The following SORCS3 variants were observed in gnomAD, a reference collection of about 807,000 sequenced individuals.
SORCS3 encodes sortilin related VPS10 domain containing receptor 3.
A neutral mutation model predicts 146.3 loss-of-function variants in SORCS3; 57 were observed. The observed-to-expected ratio is 0.39, with a 90% CI of 0.31 to 0.49. The LOEUF (loss-of-function observed/expected upper bound fraction) is 0.49, where lower values mean the gene tolerates loss of function less well. Ranked by LOEUF, SORCS3 falls within the 20% of genes least tolerant of loss-of-function variation. SORCS3 has a pLI of 0.92. For missense variants in SORCS3, 1,341 were observed against 1,575.5 expected (o/e 0.85, Z 2.52); for synonymous variants, 653 against 618.5 (o/e 1.06, Z -0.83).
chr10:104,993,093 C>A (rs1297786355), intron 4 of SORCS3, among the ~76,000 whole-genome samples: 2 of 152,124 alleles, frequency 1.3e-5, no homozygotes, highest in Admixed American at 1.3e-4. Flanking sequence ...TAACACTGAC[C>A]ATGACAAGAA....
At chr10:104,696,728 T>A (rs1223909046) in intron 1 of SORCS3, among the ~76,000 whole-genome samples, 1 of 78,152 alleles carries the variant, frequency 1.3e-5, no homozygotes, top group Non-Finnish European at 2.4e-5. Flanking sequence ...ATAACATATA[T>A]AATATATAAT....
intron 7 of SORCS3, among the ~76,000 whole-genome samples, chr10:105,107,511 T>C (rs2055830931): frequency 6.6e-6 from 1 of 152,194 alleles, no homozygotes; most frequent in Non-Finnish European, 1.5e-5. Flanking sequence ...ACACAGATTT[T>C]TTTAAAAATT....
intron 6 of SORCS3, among the ~76,000 whole-genome samples, chr10:105,103,029 C>G (rs973618452): frequency 4.6e-5 from 7 of 151,900 alleles, no homozygotes; most frequent in African/African-American, 1.5e-4. Flanking sequence ...ACCTCGTGAT[C>G]CACCCACCTC....
At chr10:105,226,084 C>G (rs190024670) in intron 20 of SORCS3, among the ~76,000 whole-genome samples, 3 of 151,572 alleles carry the variant, frequency 2.0e-5, no homozygotes, top group Non-Finnish European at 4.4e-5. Flanking sequence ...TTAGGACTTC[C>G]GGTCCTATAT....
At chr10:105,253,180 G>C (rs931816601) in intron 23 of SORCS3, among the ~76,000 whole-genome samples, 3 of 151,924 alleles carry the variant, frequency 2.0e-5, no homozygotes, top group African/African-American at 7.3e-5. Flanking sequence ...ACTCTTCCTG[G>C]GATTCAGGGG....
At chr10:105,054,569 T>G (rs2055433997) in intron 5 of SORCS3, among the ~76,000 whole-genome samples, 1 of 150,310 alleles carries the variant, frequency 6.7e-6, no homozygotes, top group Non-Finnish European at 1.5e-5. Context: ...TTATAGGATT[T>G]CTTTTTTTTT....
intron 1 of SORCS3, among the ~76,000 whole-genome samples, chr10:104,758,132 G>C (rs1382546504): frequency 1.3e-5 from 2 of 152,178 alleles, no homozygotes; most frequent in Admixed American, 6.5e-5. Flanking sequence ...TGGATGAGGA[G>C]AAAGGGTCTG....
rs964774747 is a variant in SORCS3 at position 105,127,755 on chromosome 10, G to A, written c.1213-11642G>A. On this transcript the variant is annotated intron_variant, in intron 7 of 26. Transcript: ENST00000369701. The stretch of plus-strand genomic sequence containing the variant: ...AACAGCTGGTAAGTGCAACAAGCAA[G>A]CCACAAAAAAAGAGCCCTGGGAATC... 7.2e-5 allele frequency among the ~76,000 whole-genome samples: 11 copies of A among 152,104 alleles called. No homozygotes were observed. The East Asian group carries it at 1.5e-3, about 21-fold the overall frequency.
chr10:104,665,122 G>C (rs188156135), intron 1 of SORCS3: 2 of 152,318 alleles, frequency 1.3e-5, no homozygotes, highest in South Asian at 4.1e-4. Flanking sequence ...GGAAGACACC[G>C]CCTCTTGCTC....
intron 2 of SORCS3, among the ~76,000 whole-genome samples, chr10:104,902,855 G>A (rs2018865643): frequency 6.6e-6 from 1 of 152,200 alleles, no homozygotes; most frequent in South Asian, 2.1e-4. Flanking sequence ...AGTGTTTTTG[G>A]TGTTGTGTTG....
chr10:104,889,008 C>G (rs1431584761), intron 2 of SORCS3, among the ~76,000 whole-genome samples: 1 of 152,142 alleles, frequency 6.6e-6, no homozygotes, highest in African/African-American at 2.4e-5. Flanking sequence ...GTTATGTCTT[C>G]TGGAAAGATT....
chr10:104,734,512 A>G (rs2016745833), intron 1 of SORCS3, among the ~76,000 whole-genome samples: 1 of 152,244 alleles, frequency 6.6e-6, no homozygotes, highest in Admixed American at 6.5e-5. Context: ...CCTGAGAACT[A>G]ATTACCAAGT....
intron 22 of SORCS3, among the ~76,000 whole-genome samples, chr10:105,248,793 G>A (rs1041479503): frequency 5.3e-5 from 8 of 152,146 alleles, no homozygotes; most frequent in Non-Finnish European, 8.8e-5. Flanking sequence ...GGTTATAAGG[G>A]CAAGTGCAGC....
intron 4 of SORCS3, among the ~76,000 whole-genome samples, chr10:105,009,556 A>G (rs1441254628): frequency 1.3e-5 from 2 of 151,298 alleles, no homozygotes; most frequent in Admixed American, 1.3e-4. Flanking sequence ...AAAAAACCCC[A>G]AAAACTGTAG....
chr10:105,149,974 C>T (rs1447724469), intron 9 of SORCS3, among the ~76,000 whole-genome samples: 2 of 152,170 alleles, frequency 1.3e-5, no homozygotes, highest in Non-Finnish European at 2.9e-5. Flanking sequence ...GAAGACATAA[C>T]AGACAGGGCA....
At chr10:105,047,762 G>A (rs1431925348) in intron 5 of SORCS3, among the ~76,000 whole-genome samples, 6 of 152,048 alleles carry the variant, frequency 3.9e-5, no homozygotes, top group African/African-American at 9.7e-5. Context: ...GCTTAAGGCC[G>A]GCTTACACAC....
chr10:105,102,842 T>G (rs1341319476), intron 6 of SORCS3, among the ~76,000 whole-genome samples: 1 of 136,534 alleles, frequency 7.3e-6, no homozygotes, highest in Admixed American at 8.8e-5. Flanking sequence ...CAGGCTGGAG[T>G]ACCGTGGCGC....
At chr10:104,801,170 T>C (rs1418713272) in intron 1 of SORCS3, among the ~76,000 whole-genome samples, 1 of 152,212 alleles carries the variant, frequency 6.6e-6, no homozygotes, top group Non-Finnish European at 1.5e-5. Context: ...TTAGGGAATG[T>C]CACTTAATCT....
chr10:104,675,577 A>ATT (rs1419682894), intron 1 of SORCS3, among the ~76,000 whole-genome samples: 2 of 152,180 alleles, frequency 1.3e-5, no homozygotes, highest in African/African-American at 2.4e-5. Context: ...TGATGTGACG[A>ATT]AGGGGGCCAA....
Sources: allele counts gnomAD v4.1 joint callset (sites outside exome capture counted in the v4.1 genomes callset), GRCh38; gene constraint gnomAD v4.1.1; transcripts MANE v1.5; gene names NCBI Gene and HGNC (gene_info 2026-07-23, HGNC 2026-07-21).